SPATA13: variants seen among roughly 807,000 people sequenced by gnomAD.
SPATA13 encodes the protein spermatogenesis associated 13, also known as spermatogenesis-associated protein 13.
In SPATA13, 50 loss-of-function variants were observed where a neutral mutation model predicts 104.0. The observed-to-expected ratio is 0.48, with a 90% confidence interval of 0.38 to 0.61. The LOEUF (loss-of-function observed/expected upper bound fraction) is 0.61, where lower values mean the gene tolerates loss of function less well. Ranked by LOEUF, SPATA13 falls within the 20% of genes least tolerant of loss-of-function variation. The pLI is 0.00. For synonymous variants in SPATA13, 606 were observed against 667.5 expected, an observed-to-expected ratio of 0.91 and a Z score of 1.42; for missense variants, 1,524 against 1,690.6, an observed-to-expected ratio of 0.90 and a Z score of 1.73.
chr13:24,212,172 G>T (rs1368218151), intron 1 of SPATA13, among the ~76,000 whole-genome samples: 1 of 152,086 alleles, frequency 6.6e-6, no homozygotes, highest in Non-Finnish European at 1.5e-5. Flanking sequence ...CAGTACTTTG[G>T]GAGGCCAAGG....
intron 2 of SPATA13, among the ~76,000 whole-genome samples, chr13:24,226,154 G>A (rs1257798836): frequency 6.6e-6 from 1 of 152,172 alleles, no homozygotes; most frequent in East Asian, 1.9e-4. Context: ...TGGTTGAAAG[G>A]CATCAAGGAA....
intron 3 of SPATA13, among the ~76,000 whole-genome samples, chr13:24,099,719 C>G (rs940882889): frequency 3.3e-5 from 5 of 152,184 alleles, no homozygotes; most frequent in African/African-American, 1.2e-4. Flanking sequence ...TGATCAGTGT[C>G]ATGAATATGC....
chr13:24,039,214 G>A (rs983586054), intron 3 of SPATA13, among the ~76,000 whole-genome samples: 2 of 152,204 alleles, frequency 1.3e-5, no homozygotes, highest in African/African-American at 4.8e-5. Flanking sequence ...ACACTGTCTT[G>A]ATTGTTCCAC....
At chr13:24,271,228 C>G in intron 4 of SPATA13, among the ~76,000 whole-genome samples, 1 of 152,014 alleles carries the variant, frequency 6.6e-6, no homozygotes, top group East Asian at 1.9e-4. Flanking sequence ...AAGAATCAAG[C>G]CTGAACCATC....
intron 4 of SPATA13, among the ~76,000 whole-genome samples, chr13:24,270,361 C>G (rs2138694222): frequency 6.6e-6 from 1 of 152,262 alleles, no homozygotes; most frequent in South Asian, 2.1e-4. Flanking sequence ...AATGTAATCT[C>G]ATAACTCAAA....
intron 9 of SPATA13, 38 bp from the exon 10 acceptor site, chr13:24,294,701 G>A: frequency 1.3e-6 from 2 of 1,562,858 alleles, no homozygotes; most frequent in Non-Finnish European, 1.8e-6. Context: ...TTTGTAAGGT[G>A]CATGTTATGT....
chr13:23,987,742 T>C (rs1209008871), intron 2 of SPATA13, among the ~76,000 whole-genome samples: 1 of 152,166 alleles, frequency 6.6e-6, no homozygotes. Flanking sequence ...GAACTCTTTT[T>C]ATTTTACACA....
At chr13:23,989,817 G>C (rs927032887) in intron 2 of SPATA13, among the ~76,000 whole-genome samples, 4 of 152,212 alleles carry the variant, frequency 2.6e-5, no homozygotes, top group African/African-American at 9.6e-5. Flanking sequence ...GAAGCCTGAT[G>C]AACAGGGTTG....
At chr13:24,138,654 G>A (rs1355937305) in intron 3 of SPATA13, among the ~76,000 whole-genome samples, 1 of 151,968 alleles carries the variant, frequency 6.6e-6, no homozygotes, top group Non-Finnish European at 1.5e-5. Context: ...CGCTATCACA[G>A]CTCACTGCAG....
At chr13:24,066,299 A>T (rs903021433) in intron 3 of SPATA13, among the ~76,000 whole-genome samples, 1 of 152,160 alleles carries the variant, frequency 6.6e-6, no homozygotes, top group African/African-American at 2.4e-5. Context: ...AATTTCACAC[A>T]TACCTCATTT....
intron 3 of SPATA13, among the ~76,000 whole-genome samples, chr13:24,071,138 C>A (rs764694046): frequency 2.3e-4 from 35 of 152,148 alleles, no homozygotes; most frequent in Non-Finnish European, 4.9e-4. Context: ...AAAACTAGTG[C>A]TTAAGCCCAG....
chr13:24,263,592 A>G (rs1026878195), intron 4 of SPATA13, among the ~76,000 whole-genome samples: 1 of 152,222 alleles, frequency 6.6e-6, no homozygotes, highest in African/African-American at 2.4e-5. Flanking sequence ...AATCACCTCT[A>G]GATTACTTAA....
intron 1 of SPATA13, among the ~76,000 whole-genome samples, chr13:24,200,356 CA>C (rs1470905071): frequency 6.6e-6 from 1 of 152,100 alleles, no homozygotes; most frequent in Non-Finnish European, 1.5e-5. Context: ...AGCCTTCTAA[CA>C]ATTGTGTATC....
intron 9 of SPATA13, among the ~76,000 whole-genome samples, chr13:24,292,133 C>T (rs1186085600): frequency 2.0e-5 from 3 of 152,228 alleles, no homozygotes; most frequent in Non-Finnish European, 2.9e-5. Context: ...ATGATCTCTT[C>T]TGGGGGAGCC....
rs1878351777 is a variant in SPATA13 at position 24,051,809 on chromosome 13, T to C, written c.-112+34108T>C. Among the ~76,000 whole-genome samples, 1 of 152,132 alleles carries C rather than the reference T, an allele frequency of 6.6e-6. No individual in the cohort carries two copies. The highest frequency in any genetic ancestry group is 2.4e-5 in the African/African-American group (1 of 41,424). On this transcript the variant is annotated intron_variant, in intron 3 of 14. Transcript: ENST00000424834. The surrounding 1 kb of genome is among the most constrained non-coding windows in gnomAD (Gnocchi z 4.2). Reference sequence around the variant, plus strand: ...GGCTGCAAGAGCCTGCTAAGAGTTATGTTCTCCAGGGCAGGGCAGAGGGAG... The same window carrying C: ...GGCTGCAAGAGCCTGCTAAGAGTTACGTTCTCCAGGGCAGGGCAGAGGGAG...
intron 3 of SPATA13, among the ~76,000 whole-genome samples, chr13:24,105,918 A>C (rs1454282754): frequency 2.0e-5 from 3 of 152,198 alleles, no homozygotes; most frequent in Admixed American, 6.5e-5. Context: ...CCAAGGAGGG[A>C]GGCCTCAGAA....
chr13:24,021,848 A>T (rs754227541), intron 3 of SPATA13, among the ~76,000 whole-genome samples: 1 of 151,618 alleles, frequency 6.6e-6, no homozygotes, highest in Non-Finnish European at 1.5e-5. Context: ...AGTAGCTGGG[A>T]CTACAGGCGC....
chr13:24,108,060 G>C (rs916692694), intron 3 of SPATA13, among the ~76,000 whole-genome samples: 3 of 152,196 alleles, frequency 2.0e-5, no homozygotes, highest in African/African-American at 7.2e-5. Flanking sequence ...TCTGGATAGG[G>C]CCTGATCCTG....
At chr13:24,199,233 A>C (rs1275786531) in intron 1 of SPATA13, among the ~76,000 whole-genome samples, 1 of 152,148 alleles carries the variant, frequency 6.6e-6, no homozygotes, top group African/African-American at 2.4e-5. Context: ...GAGGTTTGGA[A>C]TCCAGCACCC....
Sources: gnomAD v4.1 joint callset for allele counts (sites outside exome capture counted in the v4.1 genomes callset) on GRCh38, gnomAD v4.1.1 for gene constraint, Gnocchi (gnomAD v3.1) non-coding constraint, MANE v1.5 for transcripts, NCBI Gene and HGNC (gene_info 2026-07-23, HGNC 2026-07-21) for gene names.